Variants in FARP1 observed in about 807,000 individuals in gnomAD.
FARP1 encodes FERM, ARH/RhoGEF and pleckstrin domain protein 1, also known as FERM, ARHGEF and pleckstrin domain-containing protein 1.
FARP1 carries 52 observed loss-of-function variants against 128.8 expected under a neutral mutation model. That is an observed-to-expected ratio of 0.40 (90% CI 0.32 to 0.51). The LOEUF is 0.51. Among genes scored for constraint, FARP1 ranks in the 20% least tolerant of loss-of-function variants. The pLI is 0.45. For missense variants in FARP1, 1,333 were observed against 1,367.9 expected, an observed-to-expected ratio of 0.97 and a Z score of 0.40; for synonymous variants, 580 against 551.8, an observed-to-expected ratio of 1.05 and a Z score of -0.72.
intron 1 of FARP1, among the ~76,000 whole-genome samples, chr13:98,206,411 C>T (rs548784820): frequency 1.3e-5 from 2 of 152,314 alleles, no homozygotes; most frequent in East Asian, 1.9e-4. Context: ...TGAATCTGCA[C>T]ACCTGTCCCT....
intron 16 of FARP1, among the ~76,000 whole-genome samples, chr13:98,419,719 G>A (rs1891521291): frequency 6.6e-6 from 1 of 152,120 alleles, no homozygotes; most frequent in Admixed American, 6.6e-5. Flanking sequence ...CAATGATGTG[G>A]TATTGGTGTT....
At chr13:98,287,208 C>CTTTTTTTTTTTTTTTTTTTTT (rs71111939) in intron 2 of FARP1, among the ~76,000 whole-genome samples, 3 of 75,844 alleles carry the variant, frequency 4.0e-5, no homozygotes, top group Non-Finnish European at 7.1e-5. Context: ...TCAGACATGT[C>CTTTTTTTTTTTTTTTTTTTTT]TTTTTTTTTT....
chr13:98,280,613 C>A (rs900533608), intron 2 of FARP1, among the ~76,000 whole-genome samples: 8 of 149,162 alleles, frequency 5.4e-5, no homozygotes, highest in African/African-American at 1.9e-4. Flanking sequence ...TGAACAAGTT[C>A]ATCATGTAAC....
At chr13:98,224,324 A>G in intron 2 of FARP1, among the ~76,000 whole-genome samples, 1 of 151,722 alleles carries the variant, frequency 6.6e-6, no homozygotes, top group East Asian at 1.9e-4. Flanking sequence ...TCAGGAGATC[A>G]AGACCATCCT....
intron 25 of FARP1, chr13:98,446,447 G>A (rs1892840259): frequency 3.3e-6 from 2 of 606,106 alleles, no homozygotes; most frequent in Admixed American, 3.0e-5. Flanking sequence ...GCCTGGACAA[G>A]GGACGGGGGT....
intron 2 of FARP1, among the ~76,000 whole-genome samples, chr13:98,223,985 G>T (rs1405183133): frequency 1.3e-5 from 2 of 152,174 alleles, no homozygotes; most frequent in Non-Finnish European, 2.9e-5. Flanking sequence ...ACTATAAAAT[G>T]CAATTGGCTA....
chr13:98,270,008 G>C (rs546203288), intron 2 of FARP1, among the ~76,000 whole-genome samples: 1 of 152,308 alleles, frequency 6.6e-6, no homozygotes, highest in Non-Finnish European at 1.5e-5. Flanking sequence ...GGGAGGCTGA[G>C]GCCAGAGAAT....
rs368338547 is a variant in FARP1 at position 98,226,729 on chromosome 13, C to G, written c.171+13316C>G. On this transcript the variant is annotated intron_variant, in intron 2 of 26. Coordinates refer to ENST00000319562, the MANE Select transcript of FARP1 (RefSeq NM_005766.4). ...CATGTATGTGTACTTGGAATTAGAA[C>G]TGAAGTACGGGTGGCCATATGAGAT... is the stretch of plus-strand genomic sequence containing the variant. Among the ~76,000 whole-genome samples the G allele has an allele frequency of 1.1e-4, 16 of 152,304 alleles. 1 individual carries two copies. In the East Asian group the frequency reaches 2.9e-3, roughly 28 times the overall value.
chr13:98,379,222 ATC>A (rs1889792975), intron 6 of FARP1, among the ~76,000 whole-genome samples: 4 of 119,128 alleles, frequency 3.4e-5, no homozygotes, highest in African/African-American at 1.0e-4. Context: ...ATAATATATA[ATC>A]TATCTATATA....
intron 2 of FARP1, among the ~76,000 whole-genome samples, chr13:98,313,128 A>G: frequency 6.6e-6 from 1 of 150,948 alleles, no homozygotes; most frequent in East Asian, 1.9e-4. Context: ...ACACACACAC[A>G]CACACACACA....
intron 1 of FARP1, among the ~76,000 whole-genome samples, chr13:98,163,062 G>A (rs1876998032): frequency 6.6e-6 from 1 of 152,080 alleles, no homozygotes; most frequent in South Asian, 2.1e-4. Flanking sequence ...AAAACACATG[G>A]AAGCAACCTA....
chr13:98,335,016 C>A (rs778447608), intron 2 of FARP1, among the ~76,000 whole-genome samples: 54 of 152,358 alleles, frequency 3.5e-4, no homozygotes, highest in South Asian at 8.3e-4. Flanking sequence ...AACTCCTACT[C>A]ATCCTTCAGG....
At chr13:98,354,970 A>G (rs1375287459) in intron 3 of FARP1, among the ~76,000 whole-genome samples, 3 of 152,218 alleles carry the variant, frequency 2.0e-5, no homozygotes, top group Non-Finnish European at 4.4e-5. Context: ...TATCTCATTA[A>G]TCATGTTTTT....
chr13:98,247,979 A>G lies in FARP1; in HGVS notation c.171+34566A>G, dbSNP rs72655130. Among the ~76,000 whole-genome samples the G allele has an allele frequency of 4.9e-3, 744 of 152,312 alleles. 5 individuals carry two copies. Among genetic ancestry groups the G allele is most frequent in the Non-Finnish European group, 8.0e-3 (545 of 68,022 alleles). ...CTCAGAAGAGTCGCAGATTCCTGAC[A>G]CTAAGACCAGAAACACATCTCTGCC... On this transcript the variant is annotated intron_variant, in intron 2 of 26. Coordinates refer to ENST00000319562, the MANE Select transcript of FARP1 (RefSeq NM_005766.4).
intron 2 of FARP1, among the ~76,000 whole-genome samples, chr13:98,263,855 T>C (rs1401352301): frequency 1.3e-5 from 2 of 152,164 alleles, no homozygotes; most frequent in East Asian, 3.9e-4. Flanking sequence ...TTATTTTTAG[T>C]GCTCCCCCCC....
chr13:98,319,728 C>G (rs1280091356), intron 2 of FARP1, among the ~76,000 whole-genome samples: 2 of 152,148 alleles, frequency 1.3e-5, no homozygotes, highest in African/African-American at 2.4e-5. Context: ...TTGTCAGGAT[C>G]AAATTGTTTT....
At chr13:98,285,960 G>A (rs186497988) in intron 2 of FARP1, among the ~76,000 whole-genome samples, 2 of 152,124 alleles carry the variant, frequency 1.3e-5, no homozygotes, top group Admixed American at 6.5e-5. Flanking sequence ...TTCAGGCCAC[G>A]TCTCCCTCTG....
At chr13:98,260,306 T>C (rs1404730066) in intron 2 of FARP1, among the ~76,000 whole-genome samples, 2 of 152,254 alleles carry the variant, frequency 1.3e-5, no homozygotes, top group African/African-American at 2.4e-5. Flanking sequence ...GTCTGTCTTA[T>C]ATTTCAAGGT....
In FARP1 at chr13:98,294,989, C is replaced by T. The variant is rs538589308; in HGVS notation, c.172-48773C>T. Among the ~76,000 whole-genome samples the T allele has an allele frequency of 1.5e-4, 23 of 148,556 alleles. No individual in the cohort carries two copies. In the South Asian group the frequency reaches 5.0e-3, roughly 33 times the overall value. ...CTGAGATCACACCATTGCACTCCAG[C>T]CTGGGCAACAAGAGCAAAACTCCGT... On this transcript the variant is annotated intron_variant, in intron 2 of 26. Transcript: ENST00000319562.
Sources: allele counts gnomAD v4.1 joint callset (sites outside exome capture counted in the v4.1 genomes callset), GRCh38; gene constraint gnomAD v4.1.1; transcripts MANE v1.5; gene names NCBI Gene and HGNC (gene_info 2026-07-23, HGNC 2026-07-21).